Variants in PTPRN2 observed in about 807,000 individuals in gnomAD.
PTPRN2 encodes receptor-type tyrosine-protein phosphatase N2.
Under a neutral mutation model 118.8 loss-of-function variants are expected in PTPRN2, and 74 were observed. The observed-to-expected ratio is 0.62, with a 90% CI of 0.52 to 0.76. PTPRN2 has a LOEUF of 0.76. Among genes scored for constraint, PTPRN2 ranks in the 30% least tolerant of loss-of-function variants. PTPRN2 has a pLI of 0.00. For missense variants in PTPRN2, 1,481 were observed against 1,394.4 expected, an observed-to-expected ratio of 1.06 and a Z score of -0.99; for synonymous variants, 641 against 608.0, an observed-to-expected ratio of 1.05 and a Z score of -0.80.
chr7:157,852,090 C>T (rs1289058628), intron 12 of PTPRN2, among the ~76,000 whole-genome samples: 1 of 152,214 alleles, frequency 6.6e-6, no homozygotes, highest in Non-Finnish European at 1.5e-5. Context: ...CAGCGGTGCC[C>T]GCTGAGGAGT....
chr7:157,752,614 C>T (rs1323524008), intron 12 of PTPRN2, among the ~76,000 whole-genome samples: 3 of 152,268 alleles, frequency 2.0e-5, no homozygotes, highest in African/African-American at 7.2e-5. Context: ...ATCCTCTCCC[C>T]AGCCACAAGC....
At chr7:157,553,429 C>G (rs918445139) in intron 21 of PTPRN2, among the ~76,000 whole-genome samples, 4 of 152,234 alleles carry the variant, frequency 2.6e-5, no homozygotes, top group African/African-American at 9.6e-5. Context: ...TCCGCGTGCA[C>G]TGATCTCTGG....
intron 11 of PTPRN2, among the ~76,000 whole-genome samples, chr7:158,054,081 T>A (rs568796010): frequency 0.032 from 3,667 of 113,392 alleles, 155 homozygotes; most frequent in African/African-American, 0.11. Context: ...GAGACCCCAG[T>A]GATGCAGAGA....
intron 10 of PTPRN2, among the ~76,000 whole-genome samples, chr7:158,089,874 T>C (rs1375060157): frequency 2.5e-5 from 2 of 79,176 alleles, no homozygotes; most frequent in African/African-American, 3.7e-5. Context: ...AAACCCTTCC[T>C]CCCCTGACGA....
chr7:158,205,593 C>G lies in PTPRN2; in HGVS notation c.278-320G>C, dbSNP rs889368873. Among the ~76,000 whole-genome samples, 3 of 152,188 alleles carry G rather than the reference C, an allele frequency of 2.0e-5. No individual in the cohort carries two copies. The South Asian group carries it at 6.2e-4, about 32-fold the overall frequency. On this transcript the variant is annotated intron_variant, in intron 3 of 22. Transcript: ENST00000389418. ...ACACCAAATTGAACAACTGTCCGCA[C>G]AGCAAAGCACCTTCATACGAACCAA...
At chr7:157,693,993 G>T (rs2150842755) in intron 12 of PTPRN2, among the ~76,000 whole-genome samples, 1 of 152,386 alleles carries the variant, frequency 6.6e-6, no homozygotes, top group African/African-American at 2.4e-5. Context: ...GGGGTCCTGG[G>T]GCGGCCACGG....
chr7:157,672,164 C>T (rs1044046609), intron 13 of PTPRN2, among the ~76,000 whole-genome samples: 1 of 151,956 alleles, frequency 6.6e-6, no homozygotes, highest in Non-Finnish European at 1.5e-5. Context: ...TGTCTGAAAA[C>T]CCCCCCTGGA....
rs11300313 is a variant in PTPRN2, at chr7:157,671,522, AG to A, written c.2001+11202del. 0.14 allele frequency among the ~76,000 whole-genome samples: 21,075 copies of A among 151,186 alleles called. 1,698 individuals carry two copies. Among genetic ancestry groups the A allele is most frequent in the African/African-American group, 0.22 (9,215 of 41,076 alleles). On this transcript the variant is annotated intron_variant, in intron 13 of 22. Coordinates refer to ENST00000389418, the MANE Select transcript of PTPRN2 (RefSeq NM_002847.5). The surrounding 1 kb of genome is among the most constrained non-coding windows in gnomAD (Gnocchi z 4.1). ...GGAGGGTCTGCAGGGATAAAGTGGG[AG>A]GGGGGGCGGTGCAACGGAGGGAGCC...
rs568107306 is a variant in PTPRN2 at position 158,091,578 on chromosome 7, G to A, written c.1644-10201C>T. Among the ~76,000 whole-genome samples the A allele has an allele frequency of 6.1e-4, 93 of 152,208 alleles. 1 individual carries two copies. In the Middle Eastern group the frequency reaches 0.01, roughly 17 times the overall value. On this transcript the variant is annotated intron_variant, in intron 10 of 22. Coordinates refer to ENST00000389418, the MANE Select transcript of PTPRN2 (RefSeq NM_002847.5). ...GCCCATAACATGAATAGATGGGTGC[G>A]TGAGGGATAGGTGATAGATGGATGG...
At position 157,848,311 on chromosome 7, in the gene PTPRN2, G is replaced by C. The variant is rs1010026985; in HGVS notation, c.1788+50362C>G. Among the ~76,000 whole-genome samples the C allele has an allele frequency of 3.3e-5, 5 of 149,534 alleles. No individual in the cohort carries two copies. The South Asian group carries it at 6.4e-4, about 19-fold the overall frequency. ...TCTCATTACATCGTGTGTGCCTGAT[G>C]TTTACAGAGCCCTCTCTCACTCCCT... On this transcript the variant is annotated intron_variant, in intron 12 of 22. Coordinates refer to ENST00000389418, the MANE Select transcript of PTPRN2 (RefSeq NM_002847.5).
At chr7:158,273,831 C>T (rs1214966162) in intron 3 of PTPRN2, among the ~76,000 whole-genome samples, 8 of 119,052 alleles carry the variant, frequency 6.7e-5, no homozygotes, top group African/African-American at 2.4e-4. Context: ...ATGGGGGAGC[C>T]GCAGACACAG....
intron 12 of PTPRN2, among the ~76,000 whole-genome samples, chr7:157,853,398 G>A (rs918626957): frequency 2.0e-5 from 3 of 152,106 alleles, no homozygotes; most frequent in Admixed American, 6.6e-5. Flanking sequence ...ATCCCGCACC[G>A]TGCCCACTTT....
intron 2 of PTPRN2, among the ~76,000 whole-genome samples, chr7:158,386,231 T>C (rs1394875775): frequency 1.1e-5 from 1 of 87,386 alleles, no homozygotes; most frequent in Non-Finnish European, 2.2e-5. Context: ...TGAGTCCCTA[T>C]TTCTGTGCCC....
chr7:158,363,621 G>A (rs757459617), intron 2 of PTPRN2, among the ~76,000 whole-genome samples: 24 of 152,172 alleles, frequency 1.6e-4, no homozygotes, highest in African/African-American at 5.3e-4. Context: ...AGAGAACCGC[G>A]CATGCTGATA....
chr7:158,319,679 ACAGCCTCT>A (rs143143921), intron 2 of PTPRN2, among the ~76,000 whole-genome samples: 207 of 3,852 alleles, frequency 0.054, 79 homozygotes, highest in African/African-American at 0.35. Flanking sequence ...CCTCACACAC[ACAGCCTCT>A]CTCACACAGC....
chr7:157,581,709 G>A (rs1800391187), intron 17 of PTPRN2, among the ~76,000 whole-genome samples: 1 of 152,224 alleles, frequency 6.6e-6, no homozygotes, highest in Non-Finnish European at 1.5e-5. Flanking sequence ...CCATATTGTT[G>A]TTTGTTACAG....
At chr7:158,120,270 G>C (rs533874272) in intron 9 of PTPRN2, among the ~76,000 whole-genome samples, 1 of 152,242 alleles carries the variant, frequency 6.6e-6, no homozygotes, top group African/African-American at 2.4e-5. Flanking sequence ...CAGCGGTGAT[G>C]GTTGCACAAT....
At chr7:157,834,681 C>T (rs1022705021) in intron 12 of PTPRN2, among the ~76,000 whole-genome samples, 2 of 152,370 alleles carry the variant, frequency 1.3e-5, no homozygotes, top group East Asian at 1.9e-4. Context: ...GCAGAGTGCA[C>T]GCTCGCAGAG....
intron 2 of PTPRN2, among the ~76,000 whole-genome samples, chr7:158,460,969 G>A (rs1818941455): frequency 6.6e-6 from 1 of 152,192 alleles, no homozygotes; most frequent in Non-Finnish European, 1.5e-5. Flanking sequence ...AAGTTGGTTA[G>A]GAAAAATCTT....
Sources: gnomAD v4.1 joint callset for allele counts (sites outside exome capture counted in the v4.1 genomes callset) on GRCh38, gnomAD v4.1.1 for gene constraint, Gnocchi (gnomAD v3.1) non-coding constraint, MANE v1.5 for transcripts, NCBI Gene and HGNC (gene_info 2026-07-23, HGNC 2026-07-21) for gene names.